The following CCDC148 variants were observed in gnomAD, a reference collection of about 807,000 sequenced individuals.
CCDC148 encodes the protein coiled-coil domain containing 148, also known as coiled-coil domain-containing protein 148.
In CCDC148, 89 loss-of-function variants were observed where a neutral mutation model predicts 85.7. That is an observed-to-expected ratio of 1.04 (90% CI 0.87 to 1.24). CCDC148 has a LOEUF of 1.24. Ranked by LOEUF, CCDC148 falls within the 50% of genes most tolerant of loss-of-function variation. The pLI, the probability that CCDC148 is intolerant of heterozygous loss-of-function variation, is 0.00. For missense variants in CCDC148, 692 were observed against 671.7 expected, an observed-to-expected ratio of 1.03 and a Z score of -0.33; for synonymous variants, 230 against 213.9, an observed-to-expected ratio of 1.08 and a Z score of -0.66.
At chr2:158,440,616 A>G (rs909414069) in intron 1 of CCDC148, among the ~76,000 whole-genome samples, 3 of 152,234 alleles carry the variant, frequency 2.0e-5, no homozygotes, top group African/African-American at 7.2e-5. Flanking sequence ...ACAGTAAAAG[A>G]TTAACAAAAT....
chr2:158,268,879 G>A (rs146299888), intron 9 of CCDC148, among the ~76,000 whole-genome samples: 9 of 152,242 alleles, frequency 5.9e-5, no homozygotes, highest in Admixed American at 5.9e-4. Flanking sequence ...GTTCATCCGT[G>A]TTGCTGCAAA....
intron 9 of CCDC148, among the ~76,000 whole-genome samples, chr2:158,289,330 A>C (rs937005197): frequency 2.6e-5 from 4 of 152,222 alleles, no homozygotes; most frequent in African/African-American, 9.6e-5. Context: ...TATAACCCAC[A>C]AAGAACTAAT....
intron 12 of CCDC148, among the ~76,000 whole-genome samples, chr2:158,177,367 G>T: frequency 6.6e-6 from 1 of 152,046 alleles, no homozygotes; most frequent in East Asian, 1.9e-4. Flanking sequence ...TGAAAGTCAA[G>T]AATTAGCATG....
chr2:158,383,644 G>A (rs1684969338), intron 1 of CCDC148, among the ~76,000 whole-genome samples: 1 of 152,110 alleles, frequency 6.6e-6, no homozygotes, highest in Admixed American at 6.6e-5. Flanking sequence ...TGCAAGTAGA[G>A]TATAAGGAAG....
intron 1 of CCDC148, among the ~76,000 whole-genome samples, chr2:158,446,299 C>A (rs1309810104): frequency 6.6e-6 from 1 of 151,896 alleles, no homozygotes; most frequent in Non-Finnish European, 1.5e-5. Context: ...CTGCAGTGAA[C>A]TATGGTCACA....
At chr2:158,279,829 T>G (rs1354774820) in intron 9 of CCDC148, among the ~76,000 whole-genome samples, 1 of 151,608 alleles carries the variant, frequency 6.6e-6, no homozygotes, top group Admixed American at 6.6e-5. Flanking sequence ...AATTGTCAGA[T>G]TCACCAAAGT....
At position 158,427,213 on chromosome 2, in the gene CCDC148, G is replaced by A. The variant is rs1468044156; in HGVS notation, c.25+29202C>T. On this transcript the variant is annotated intron_variant, in intron 1 of 13. Transcript: ENST00000283233. ...CAGATGAAATGATAATGCACATTAGGCAACAATTCATAAAGTGTTTAACAA... is the reference window on the plus strand; with the variant it reads ...CAGATGAAATGATAATGCACATTAGACAACAATTCATAAAGTGTTTAACAA... Among the ~76,000 whole-genome samples, 3 of 152,036 alleles carry A rather than the reference G, an allele frequency of 2.0e-5. No homozygotes were observed. In the East Asian group the frequency reaches 5.8e-4, roughly 29 times the overall value.
intron 9 of CCDC148, among the ~76,000 whole-genome samples, chr2:158,303,345 A>T (rs944889025): frequency 4.6e-5 from 7 of 152,212 alleles, no homozygotes; most frequent in African/African-American, 1.4e-4. Flanking sequence ...TCTTGTATGC[A>T]AACCTTTGTG....
At chr2:158,392,268 C>G (rs183279594) in intron 1 of CCDC148, among the ~76,000 whole-genome samples, 8 of 152,250 alleles carry the variant, frequency 5.3e-5, no homozygotes, top group African/African-American at 1.9e-4. Context: ...GAAAACAATA[C>G]AGTCTCTATT....
intron 1 of CCDC148, among the ~76,000 whole-genome samples, chr2:158,432,340 T>C (rs1016619794): frequency 7.2e-5 from 11 of 151,824 alleles, no homozygotes; most frequent in African/African-American, 2.7e-4. Flanking sequence ...TTGTCAAACA[T>C]GATAAAAACA....
chr2:158,212,575 T>A (rs939084481), intron 11 of CCDC148, among the ~76,000 whole-genome samples: 1 of 152,166 alleles, frequency 6.6e-6, no homozygotes. Flanking sequence ...CTGGCTCTAG[T>A]CTCTTCCTTC....
In CCDC148 at chr2:158,300,754, C is replaced by T. The variant is rs141735654; in HGVS notation, c.1110+8679G>A. Among the ~76,000 whole-genome samples the T allele has an allele frequency of 2.6e-3, 401 of 152,228 alleles. 3 individuals are homozygous for T. Among genetic ancestry groups the T allele is most frequent in the African/African-American group, 9.0e-3 (372 of 41,528 alleles). On this transcript the variant is annotated intron_variant, in intron 9 of 13. Coordinates refer to ENST00000283233, the MANE Select transcript of CCDC148 (RefSeq NM_138803.4). Reference sequence around the variant, plus strand: ...CAAGAAAGGAGGCTAGAAAGAAAGCCGGGGTCCAAATTACTGAAAACCTGG... The same window carrying T: ...CAAGAAAGGAGGCTAGAAAGAAAGCTGGGGTCCAAATTACTGAAAACCTGG...
At chr2:158,359,350 G>A (rs1192983396) in intron 1 of CCDC148, among the ~76,000 whole-genome samples, 1 of 152,108 alleles carries the variant, frequency 6.6e-6, no homozygotes, top group African/African-American at 2.4e-5. Flanking sequence ...ATGATTTCAG[G>A]CCAATCACAG....
intron 9 of CCDC148, among the ~76,000 whole-genome samples, chr2:158,274,701 G>T (rs912364654): frequency 6.6e-6 from 1 of 152,074 alleles, no homozygotes; most frequent in Non-Finnish European, 1.5e-5. Flanking sequence ...GACAACCAAC[G>T]GTTATGAGAA....
chr2:158,287,400 G>A (rs542446142), intron 9 of CCDC148, among the ~76,000 whole-genome samples: 4 of 152,176 alleles, frequency 2.6e-5, no homozygotes, highest in South Asian at 2.1e-4. Flanking sequence ...GACAAGGCAC[G>A]TCCCTTCTAC....
intron 1 of CCDC148, among the ~76,000 whole-genome samples, chr2:158,429,858 C>A (rs1377762562): frequency 6.6e-6 from 1 of 152,134 alleles, no homozygotes; most frequent in Non-Finnish European, 1.5e-5. Flanking sequence ...ATTGCCATGG[C>A]TTTCTGACTG....
At chr2:158,260,228 C>G (rs956100187) in intron 9 of CCDC148, among the ~76,000 whole-genome samples, 1 of 151,552 alleles carries the variant, frequency 6.6e-6, no homozygotes, top group Non-Finnish European at 1.5e-5. Flanking sequence ...ATCTAAAACT[C>G]AAATTAACAT....
intron 9 of CCDC148, among the ~76,000 whole-genome samples, chr2:158,255,836 C>A (rs1688989177): frequency 6.6e-6 from 1 of 151,674 alleles, no homozygotes; most frequent in African/African-American, 2.4e-5. Context: ...AACTACAGGG[C>A]ATTTTTCCAG....
chr2:158,266,842 A>G (rs757278193), intron 9 of CCDC148, among the ~76,000 whole-genome samples: 4 of 149,032 alleles, frequency 2.7e-5, no homozygotes, highest in Non-Finnish European at 3.0e-5. Context: ...CAGTACATAT[A>G]TGTGTGTGTG....
Sources: gnomAD v4.1 joint callset for allele counts (sites outside exome capture counted in the v4.1 genomes callset) on GRCh38, gnomAD v4.1.1 for gene constraint, MANE v1.5 for transcripts, NCBI Gene and HGNC (gene_info 2026-07-23, HGNC 2026-07-21) for gene names.